The following PPT1 variants were observed in gnomAD, a reference collection of about 807,000 sequenced individuals.
The protein encoded by PPT1 is ceroid-palmitoyl-palmitoyl-protein thioesterase 1.
In PPT1, 24 loss-of-function variants were observed where a neutral mutation model predicts 44.0. The observed-to-expected ratio is 0.54, with a 90% CI of 0.39 to 0.77. The LOEUF is 0.77. PPT1 is among the 30% of genes least tolerant of loss of function. The probability of loss-of-function intolerance (pLI) is 0.00; values close to 1 mark genes in which losing one functional copy is unlikely to be tolerated. For missense variants in PPT1, 341 were observed against 378.8 expected, an observed-to-expected ratio of 0.90 and a Z score of 0.83; for synonymous variants, 148 against 140.2, an observed-to-expected ratio of 1.06 and a Z score of -0.39.
chr1:40,077,681 T>C (rs1230529487), intron 7 of PPT1, among the ~76,000 whole-genome samples: 1 of 152,102 alleles, frequency 6.6e-6, no homozygotes, highest in African/African-American at 2.4e-5. Context: ...AGGCTGATGA[T>C]TCTAAAAAAG....
intron 7 of PPT1, 24 bp downstream of exon 7, chr1:40,078,536 C>T (rs749813303): frequency 1.0e-5 from 16 of 1,598,728 alleles, no homozygotes; most frequent in Non-Finnish European, 1.4e-5. Flanking sequence ...ACTCTCCTGG[C>T]ATGTGGCCTA....
At chr1:40,083,294 T>C (rs1649075765) in intron 5 of PPT1, among the ~76,000 whole-genome samples, 1 of 151,886 alleles carries the variant, frequency 6.6e-6, no homozygotes, top group Middle Eastern at 3.4e-3. Context: ...GAAAAGAAAA[T>C]TCTTTTTAAA....
At chr1:40,090,121 G>A (rs983106538) in intron 4 of PPT1, among the ~76,000 whole-genome samples, 1 of 152,172 alleles carries the variant, frequency 6.6e-6, no homozygotes, top group African/African-American at 2.4e-5. Context: ...AACCACTAGT[G>A]TGTCCTTCGA....
At chr1:40,071,572 A>G (rs776813286), downstream of PPT1, 69 of 1,267,642 alleles carry the variant, frequency 5.4e-5, no homozygotes, top group Non-Finnish European at 7.5e-5. Context: ...CCTTCACACC[A>G]TGGGATAAAT....
intron 2 of PPT1, 38 bp downstream of exon 2, chr1:40,092,360 C>T (rs368504063): frequency 6.4e-7 from 1 of 1,551,162 alleles, no homozygotes; most frequent in Non-Finnish European, 8.9e-7. Flanking sequence ...TGAAATCAGT[C>T]AGCAACCCTT....
chr1:40,081,111 C>A (rs1648914093), intron 5 of PPT1, among the ~76,000 whole-genome samples: 2 of 152,120 alleles, frequency 1.3e-5, no homozygotes, highest in Non-Finnish European at 2.9e-5. Context: ...GTGTCCTCAC[C>A]CAAATCTCAT....
At chr1:40,091,182 T>C in intron 4 of PPT1, 147 bp downstream of exon 4, 1 of 841,748 alleles carries the variant, frequency 1.2e-6, no homozygotes, top group South Asian at 1.5e-5. Flanking sequence ...TCTCCAGCAA[T>C]GCTGGCTAGT....
Position 40,096,899 on chromosome 1 carries a change from G to A in PPT1, c.124+216C>T, listed in dbSNP as rs1188454920. 3 of 780,544 alleles carry A rather than the reference G, an allele frequency of 3.8e-6. No homozygotes were observed. The Admixed American group carries it at 8.3e-5, about 22-fold the overall frequency. 48.4% of individuals were successfully genotyped at this position (780,544 alleles called of 1,614,324 possible). A position where few individuals can be genotyped will look rare whatever the true frequency, so the allele number is the denominator to read the frequency against. On this transcript the variant is annotated intron_variant, in intron 1 of 8. Coordinates refer to ENST00000642050, the MANE Select transcript of PPT1 (RefSeq NM_000310.4). ...CATGTAAAACTTCAACGCCGTGCGCGGCTCTCTCTTTCCTTCCCCTTCTCT... is the reference window on the plus strand; with the variant it reads ...CATGTAAAACTTCAACGCCGTGCGCAGCTCTCTCTTTCCTTCCCCTTCTCT...
chr1:40,085,891 C>T (rs191548260), intron 5 of PPT1, among the ~76,000 whole-genome samples: 210 of 152,230 alleles, frequency 1.4e-3, no homozygotes, highest in African/African-American at 4.8e-3. Flanking sequence ...GCCTGTAGTT[C>T]GTTACATTAC....
chr1:40,096,516 T>C (rs1476847235), intron 1 of PPT1, among the ~76,000 whole-genome samples: 1 of 152,122 alleles, frequency 6.6e-6, no homozygotes, highest in Non-Finnish European at 1.5e-5. Context: ...TGTGATGGGT[T>C]GCACAAAATT....
At position 40,080,318 on chromosome 1, in the gene PPT1, C is replaced by G. The variant is rs1047157544; in HGVS notation, c.627+79G>C. Reference sequence around the variant, plus strand: ...GTCTGCCCAGGACAGTTTGGGTAAACAGTCACTGCTGATTTGTTTATGAAG... The same window carrying G: ...GTCTGCCCAGGACAGTTTGGGTAAAGAGTCACTGCTGATTTGTTTATGAAG... On this transcript the variant is annotated intron_variant, in intron 6 of 8. Coordinates refer to ENST00000642050, the MANE Select transcript of PPT1 (RefSeq NM_000310.4). The G allele has an allele frequency of 5.6e-6, 8 of 1,427,696 alleles. No homozygotes were observed. In the East Asian group the frequency reaches 1.4e-4, roughly 24 times the overall value. The allele number at this position is 1,427,696 out of a possible 1,614,324, so 88.4% of individuals were successfully genotyped here.
At chr1:40,085,801 A>G (rs559828192) in intron 5 of PPT1, among the ~76,000 whole-genome samples, 1 of 152,104 alleles carries the variant, frequency 6.6e-6, no homozygotes, top group South Asian at 2.1e-4. Context: ...GAAACCAACA[A>G]CTTTGTGTGA....
At chr1:40,088,739 T>C (rs1477962484) in intron 5 of PPT1, among the ~76,000 whole-genome samples, 3 of 152,020 alleles carry the variant, frequency 2.0e-5, no homozygotes, top group Non-Finnish European at 4.4e-5. Flanking sequence ...TACATTTGAG[T>C]AGTCAGGGAC....
chr1:40,072,251 G>GTA (rs1648178560), downstream of PPT1: 9 of 241,216 alleles, frequency 3.7e-5, no homozygotes, highest in African/African-American at 2.0e-4. Context: ...GACTTTAAAA[G>GTA]GAAAAAAAAA....
rs1184840977 is a variant in PPT1 at position 40,073,453 on chromosome 1, A to G, written c.*608T>C. 6.5e-6 allele frequency: 1 copy of G among 152,976 alleles called. No individual in the cohort carries two copies. The highest frequency in any genetic ancestry group is 2.4e-5 in the African/African-American group (1 of 41,438). 9.5% of individuals were successfully genotyped at this position (152,976 alleles called of 1,614,324 possible). ...CTTTTGTGACAGCAACTAATTCATCACTACCTGAGGAGACAAAGTGGGTGC... is the reference window on the plus strand; with the variant it reads ...CTTTTGTGACAGCAACTAATTCATCGCTACCTGAGGAGACAAAGTGGGTGC... On this transcript the variant is annotated 3_prime_UTR_variant, in exon 9 of 9. Coordinates refer to ENST00000642050, the MANE Select transcript of PPT1 (RefSeq NM_000310.4).
chr1:40,084,201 G>A (rs1311164777), intron 5 of PPT1, among the ~76,000 whole-genome samples: 1 of 152,186 alleles, frequency 6.6e-6, no homozygotes, highest in Non-Finnish European at 1.5e-5. Context: ...TGTGGAAATA[G>A]CAGGAGAACT....
At chr1:40,096,098 A>G (rs1649826292) in intron 1 of PPT1, among the ~76,000 whole-genome samples, 2 of 152,170 alleles carry the variant, frequency 1.3e-5, no homozygotes, top group Non-Finnish European at 1.5e-5. Context: ...TCTACCAGAC[A>G]GCCAAATGGC....
intron 4 of PPT1, among the ~76,000 whole-genome samples, chr1:40,089,926 A>G (rs1242435299): frequency 6.6e-6 from 1 of 152,218 alleles, no homozygotes; most frequent in Middle Eastern, 3.4e-3. Context: ...TAAGCAAAAT[A>G]TTGGCAATAA....
intron 8 of PPT1, among the ~76,000 whole-genome samples, chr1:40,074,748 C>T (rs570866981): frequency 3.3e-5 from 5 of 151,966 alleles, no homozygotes; most frequent in Admixed American, 6.5e-5. Context: ...GGATTACAGG[C>T]GTGAGCCACC....
Sources: allele counts gnomAD v4.1 joint callset (sites outside exome capture counted in the v4.1 genomes callset), GRCh38; gene constraint gnomAD v4.1.1; transcripts MANE v1.5; gene names NCBI Gene and HGNC (gene_info 2026-07-23, HGNC 2026-07-21).